Variants in LARGE1 observed in about 807,000 individuals in gnomAD.
LARGE1 encodes the protein xylosyl- and glucuronyltransferase LARGE1.
In LARGE1, 43 loss-of-function variants were observed where a neutral mutation model predicts 87.6. That is an observed-to-expected ratio of 0.49 (90% confidence interval 0.38 to 0.63). LARGE1 has a LOEUF of 0.63. LARGE1 is among the 30% of genes least tolerant of loss of function. The pLI is 0.00. For synonymous variants in LARGE1, 434 were observed against 394.6 expected (o/e 1.10, Z -1.18); for missense variants, 802 against 1,000.2 (o/e 0.80, Z 2.67).
chr22:33,264,433 T>G (rs1602168625), intron 11 of LARGE1, among the ~76,000 whole-genome samples: 1 of 152,102 alleles, frequency 6.6e-6, no homozygotes, highest in Admixed American at 6.5e-5. Flanking sequence ...CCAAAGCGGG[T>G]GGATCACTTG....
chr22:33,330,127 T>C (rs1238859087), intron 10 of LARGE1, among the ~76,000 whole-genome samples: 1 of 152,168 alleles, frequency 6.6e-6, no homozygotes, highest in African/African-American at 2.4e-5. Flanking sequence ...TCTGGAGCTT[T>C]CCAATAGCAG....
chr22:33,384,067 T>C (rs1013771642), intron 8 of LARGE1, 125 bp downstream of exon 8: 6 of 786,048 alleles, frequency 7.6e-6, no homozygotes, highest in Non-Finnish European at 1.4e-5. Context: ...AAGGCAGCTG[T>C]ATCAGAGCAC....
intron 1 of LARGE1, among the ~76,000 whole-genome samples, chr22:33,821,315 T>C (rs763226538): frequency 1.2e-4 from 18 of 152,040 alleles, no homozygotes; most frequent in Non-Finnish European, 2.5e-4. Context: ...AGGGCTACTG[T>C]AGGGTCAAAG....
chr22:33,175,683 T>C (rs1271587742), intron 11 of LARGE1, among the ~76,000 whole-genome samples: 1 of 152,190 alleles, frequency 6.6e-6, no homozygotes, highest in African/African-American at 2.4e-5. Flanking sequence ...GAACATTCCA[T>C]GCTCATGGAT....
chr22:33,198,363 TG>T (rs1924186756), intron 11 of LARGE1, among the ~76,000 whole-genome samples: 1 of 152,030 alleles, frequency 6.6e-6, no homozygotes. Context: ...CTCTGCCACC[TG>T]GGCTGGAGTG....
intron 1 of LARGE1, among the ~76,000 whole-genome samples, chr22:33,816,682 A>G (rs1231520852): frequency 7.6e-6 from 1 of 130,970 alleles, no homozygotes; most frequent in African/African-American, 3.1e-5. Context: ...ATGGATAGAT[A>G]GATAGATAGA....
intron 9 of LARGE1, among the ~76,000 whole-genome samples, chr22:33,346,751 T>G (rs930714224): frequency 2.0e-5 from 3 of 152,128 alleles, no homozygotes; most frequent in Non-Finnish European, 2.9e-5. Flanking sequence ...ACACTAACTT[T>G]GTTTGTAGTT....
At chr22:33,174,760 T>C (rs984676687) in intron 11 of LARGE1, among the ~76,000 whole-genome samples, 1 of 152,210 alleles carries the variant, frequency 6.6e-6, no homozygotes, top group Non-Finnish European at 1.5e-5. Flanking sequence ...GATAAATTCC[T>C]GGACACATAC....
At chr22:33,820,550 C>G (rs2146252446) in intron 1 of LARGE1, among the ~76,000 whole-genome samples, 1 of 152,200 alleles carries the variant, frequency 6.6e-6, no homozygotes, top group South Asian at 2.1e-4. Flanking sequence ...TGGTCTAGAA[C>G]TTCTGGCCTC....
At chr22:33,071,959 C>A in the LARGE1 span, among the ~76,000 whole-genome samples, 1 of 152,274 alleles carries the variant, frequency 6.6e-6, no homozygotes, top group African/African-American at 2.4e-5. Context: ...ACTACCCGGC[C>A]GTTTCTGATC....
intron 6 of LARGE1, among the ~76,000 whole-genome samples, chr22:33,524,364 G>A (rs1263427480): frequency 6.6e-6 from 1 of 151,562 alleles, no homozygotes; most frequent in Non-Finnish European, 1.5e-5. Flanking sequence ...CTAACTCCTG[G>A]CACTCACCAA....
At chr22:33,898,408 C>T (rs1056684944) in intron 1 of LARGE1, among the ~76,000 whole-genome samples, 3 of 152,216 alleles carry the variant, frequency 2.0e-5, no homozygotes, top group African/African-American at 2.4e-5. Context: ...CTTTACACCA[C>T]GTAACCCTAC....
At chr22:33,299,021 CA>C (rs1041629957) in intron 12 of LARGE1, among the ~76,000 whole-genome samples, 84 of 151,832 alleles carry the variant, frequency 5.5e-4, no homozygotes, top group African/African-American at 1.9e-3. Context: ...CCAGCCTGGG[CA>C]ACATAGCGAA....
exon 12 of LARGE1, chr22:33,165,469 C>G (rs765966608): frequency 6.6e-6 from 1 of 152,180 alleles, no homozygotes; most frequent in Non-Finnish European, 1.5e-5. Context: ...TTGAACCTCA[C>G]GGGAAGCCAC....
At chr22:33,836,644 T>C (rs1601737029) in intron 1 of LARGE1, among the ~76,000 whole-genome samples, 1 of 151,998 alleles carries the variant, frequency 6.6e-6, no homozygotes, top group South Asian at 2.1e-4. Flanking sequence ...CAGCCCAAGG[T>C]AGAAAAAGAA....
chr22:33,544,812 C>T (rs1257455339), intron 6 of LARGE1, among the ~76,000 whole-genome samples: 1 of 152,072 alleles, frequency 6.6e-6, no homozygotes, highest in Non-Finnish European at 1.5e-5. Context: ...TAAACCAATC[C>T]CTATAGCCAG....
intron 5 of LARGE1, among the ~76,000 whole-genome samples, chr22:33,584,477 C>G (rs2078610878): frequency 6.6e-6 from 1 of 152,182 alleles, no homozygotes; most frequent in South Asian, 2.1e-4. Context: ...TTAGTTTTCA[C>G]TAAATTCTTG....
intron 3 of LARGE1, among the ~76,000 whole-genome samples, chr22:33,640,467 A>G (rs968819923): frequency 1.9e-4 from 29 of 152,248 alleles, no homozygotes; most frequent in African/African-American, 7.0e-4. Flanking sequence ...TCTCAAGTGC[A>G]AAAGACTAGA....
intron 6 of LARGE1, among the ~76,000 whole-genome samples, chr22:33,455,757 CAAAAAA>C (rs35353034): frequency 4.7e-5 from 3 of 64,232 alleles, no homozygotes; most frequent in African/African-American, 1.3e-4. Flanking sequence ...CTGTCTCAGC[CAAAAAA>C]AAAAAAAAAA....
Sources: gnomAD v4.1 joint callset for allele counts (sites outside exome capture counted in the v4.1 genomes callset) on GRCh38, gnomAD v4.1.1 for gene constraint, MANE v1.5 for transcripts, NCBI Gene and HGNC (gene_info 2026-07-23, HGNC 2026-07-21) for gene names.